The following MSANTD3 variants were observed in gnomAD, a reference collection of about 807,000 sequenced individuals.
MSANTD3 encodes myb/SANT-like DNA-binding domain-containing protein 3.
Under a neutral mutation model 27.7 loss-of-function variants are expected in MSANTD3, and 11 were observed. The observed-to-expected ratio is 0.40, with a 90% confidence interval of 0.25 to 0.66. The LOEUF (loss-of-function observed/expected upper bound fraction) is 0.66. MSANTD3 is among the 30% of genes least tolerant of loss of function. The pLI is 0.41. For synonymous variants in MSANTD3, 131 were observed against 127.2 expected (o/e 1.03, Z -0.20); for missense variants, 250 against 336.5 (o/e 0.74, Z 2.01).
intron 2 of MSANTD3, among the ~76,000 whole-genome samples, chr9:100,446,825 T>TA (rs34205662): frequency 0.23 from 32,272 of 141,508 alleles, 3,635 homozygotes; most frequent in South Asian, 0.34. Context: ...AGACTTCGTC[T>TA]AAAAAAAAAA....
chr9:100,445,402 G>A (rs1564251408), intron 2 of MSANTD3, among the ~76,000 whole-genome samples: 1 of 152,106 alleles, frequency 6.6e-6, no homozygotes, highest in Non-Finnish European at 1.5e-5. Flanking sequence ...ACCACATTAG[G>A]ATGTGCTATA....
intron 2 of MSANTD3, among the ~76,000 whole-genome samples, 176 bp from the exon 3 acceptor site, chr9:100,450,381 T>G (rs958160291): frequency 7.2e-5 from 11 of 152,224 alleles, no homozygotes; most frequent in Admixed American, 6.5e-4. Context: ...GCTTTTGATT[T>G]GTGGGTTTTT....
At chr9:100,435,155 A>G (rs1164728496) in intron 1 of MSANTD3, among the ~76,000 whole-genome samples, 2 of 151,994 alleles carry the variant, frequency 1.3e-5, no homozygotes, top group Non-Finnish European at 2.9e-5. Flanking sequence ...CGGGGGAGTA[A>G]CTCCATTTCA....
intron 2 of MSANTD3, chr9:100,445,144 T>C (rs780597382): frequency 1.5e-5 from 22 of 1,488,118 alleles, no homozygotes; most frequent in South Asian, 3.4e-5. Context: ...AACTTTGAGT[T>C]CATTTCACTC....
In MSANTD3 at chr9:100,450,758, T is replaced by G; in HGVS notation, c.620T>G (p.Ile207Ser). ...HEEEHHQQMS[I>S]LQLQLIQMNE... ...GAAGAACACCATCAACAAATGTCCA[T>G]CTTACAACTGCAACTGATACAAATG... is the stretch of plus-strand genomic sequence containing the variant. The change falls in exon 3 of 3, where the codon ATC becomes AGC. Residue 207 changes from isoleucine to serine, a missense_variant. By Grantham distance (142) the Ile-to-Ser change is moderately radical (BLOSUM62 -2). This residue lies in a region of MSANTD3 where 235 missense variants were observed against 299.3 expected (regional missense o/e 0.79). Coordinates refer to ENST00000395067, the MANE Select transcript of MSANTD3 (RefSeq NM_080655.3). The G allele has an allele frequency of 6.2e-7, 1 of 1,614,044 alleles. No individual in the cohort carries two copies. The highest frequency in any genetic ancestry group is 8.5e-7 in the Non-Finnish European group (1 of 1,179,990).
At chr9:100,440,388 G>T (rs1836583529) in intron 1 of MSANTD3, among the ~76,000 whole-genome samples, 1 of 152,068 alleles carries the variant, frequency 6.6e-6, no homozygotes, top group African/African-American at 2.4e-5. Flanking sequence ...GAGACTTGAG[G>T]AATGTAAAGA....
chr9:100,429,184 T>G (rs952648016), intron 1 of MSANTD3, among the ~76,000 whole-genome samples: 2 of 152,272 alleles, frequency 1.3e-5, no homozygotes, highest in African/African-American at 4.8e-5. Flanking sequence ...TAACCAGGCA[T>G]TGAAGCAGAG....
intron 2 of MSANTD3, chr9:100,448,812 AT>A: frequency 1.0e-6 from 1 of 985,336 alleles, no homozygotes; most frequent in Non-Finnish European, 1.2e-6. Context: ...AGACATTTTC[AT>A]TATTTCTGGA....
intron 1 of MSANTD3, among the ~76,000 whole-genome samples, chr9:100,433,481 T>C (rs1320685913): frequency 1.3e-5 from 2 of 152,190 alleles, no homozygotes; most frequent in African/African-American, 4.8e-5. Flanking sequence ...GGGATTCTCC[T>C]GTCTTAGCCA....
chr9:100,434,815 G>A (rs1190023527), intron 1 of MSANTD3, among the ~76,000 whole-genome samples: 1 of 152,098 alleles, frequency 6.6e-6, no homozygotes, highest in Non-Finnish European at 1.5e-5. Flanking sequence ...GTGCATGTCA[G>A]CGCTCTTTCT....
intron 1 of MSANTD3, among the ~76,000 whole-genome samples, chr9:100,437,498 A>G (rs1011949216): frequency 2.6e-5 from 4 of 152,330 alleles, no homozygotes; most frequent in African/African-American, 9.6e-5. Flanking sequence ...GTAATTGGTT[A>G]AGGGAGATAA....
At chr9:100,447,368 C>G (rs1836780284) in intron 2 of MSANTD3, among the ~76,000 whole-genome samples, 1 of 151,174 alleles carries the variant, frequency 6.6e-6, no homozygotes, top group African/African-American at 2.4e-5. Context: ...AGAGGCCTGG[C>G]TTTTTTTTTC....
Position 100,442,214 on chromosome 9 carries a change from A to G in MSANTD3, c.276A>G (p.Lys92=). ...TTATGGCCCATGAAAGGAGAGAGAA[A>G]GTGAAACGGAGCGTCAGCCCTCTCC... ...KKIMAHERRE[K]VKRSVSPLLS... Residue 92 remains lysine, a synonymous_variant, in exon 2 of 3, where the codon AAA becomes AAG. Coordinates refer to ENST00000395067, the MANE Select transcript of MSANTD3 (RefSeq NM_080655.3). The G allele has an allele frequency of 6.2e-7, 1 of 1,613,758 alleles. No individual in the cohort carries two copies. Among genetic ancestry groups the G allele is most frequent in the South Asian group, 1.1e-5 (1 of 91,072 alleles).
At chr9:100,448,243 G>A (rs1365691570) in intron 2 of MSANTD3, 8 of 981,856 alleles carry the variant, frequency 8.1e-6, no homozygotes, top group Admixed American at 6.2e-5. Flanking sequence ...GAAATTGGGC[G>A]AGACAGCAGC....
At chr9:100,445,773 G>A (rs1836739132) in intron 2 of MSANTD3, among the ~76,000 whole-genome samples, 1 of 152,124 alleles carries the variant, frequency 6.6e-6, no homozygotes, top group Admixed American at 6.5e-5. Flanking sequence ...TTTGGTATGA[G>A]ATAGTTTCAA....
chr9:100,431,447 A>G (rs1836375200), intron 1 of MSANTD3, among the ~76,000 whole-genome samples: 1 of 151,688 alleles, frequency 6.6e-6, no homozygotes, highest in Non-Finnish European at 1.5e-5. Context: ...CTGGGATTAC[A>G]GATGCTCATG....
chr9:100,450,134 C>T (rs1376362296), intron 2 of MSANTD3, among the ~76,000 whole-genome samples: 1 of 152,168 alleles, frequency 6.6e-6, no homozygotes, highest in Admixed American at 6.5e-5. Context: ...GTGTTCATAG[C>T]TGAATGAGAA....
In MSANTD3 at chr9:100,451,270, T is replaced by C. The variant is rs1023555291; in HGVS notation, c.*304T>C. ...TTGTTGTTGTTGTTTTTTTTTTTAA[T>C]CAAATGCAAGTGTGACTATAAAGGA... On this transcript the variant is annotated 3_prime_UTR_variant, in exon 3 of 3. Coordinates refer to ENST00000395067, the MANE Select transcript of MSANTD3 (RefSeq NM_080655.3). The C allele has an allele frequency of 3.8e-6, 1 of 260,230 alleles. No homozygotes were observed. The highest frequency in any genetic ancestry group is 2.2e-5 in the African/African-American group (1 of 44,874). The allele number at this position is 260,230 out of a possible 1,614,324, so 16.1% of individuals were successfully genotyped here.
intron 2 of MSANTD3, among the ~76,000 whole-genome samples, chr9:100,448,011 T>G (rs1343699070): frequency 6.6e-6 from 1 of 151,714 alleles, no homozygotes; most frequent in Non-Finnish European, 1.5e-5. Context: ...GGCAACATGG[T>G]GAAACCCCGT....
Sources: gnomAD v4.1 joint callset for allele counts (sites outside exome capture counted in the v4.1 genomes callset) on GRCh38, gnomAD v4.1.1 for gene constraint, gnomAD v4.1.1 regional missense constraint, MANE v1.5 for transcripts, NCBI Gene and HGNC (gene_info 2026-07-23, HGNC 2026-07-21) for gene names.